Variants in GPC6 observed in about 807,000 individuals in gnomAD.
GPC6 encodes the protein glypican 6, also known as glypican-6.
In GPC6, 14 loss-of-function variants were observed where a neutral mutation model predicts 55.2. The observed-to-expected ratio is 0.25, with a 90% CI of 0.17 to 0.40. The LOEUF (loss-of-function observed/expected upper bound fraction) is 0.40, where lower values mean the gene tolerates loss of function less well. GPC6 is among the 10% of genes least tolerant of loss of function. The pLI is 1.00. For synonymous variants in GPC6, 278 were observed against 259.6 expected, an observed-to-expected ratio of 1.07 and a Z score of -0.68; for missense variants, 641 against 708.5, an observed-to-expected ratio of 0.90 and a Z score of 1.08.
At chr13:93,753,399 AAT>A (rs568558107) in intron 2 of GPC6, among the ~76,000 whole-genome samples, 84 of 152,284 alleles carry the variant, frequency 5.5e-4, no homozygotes, top group African/African-American at 2.0e-3. Flanking sequence ...CAAGAAGTAG[AAT>A]ATGTTTTTTA....
chr13:93,739,746 T>C (rs1884136324), intron 2 of GPC6, among the ~76,000 whole-genome samples: 1 of 152,104 alleles, frequency 6.6e-6, no homozygotes, highest in African/African-American at 2.4e-5. Context: ...ACATATCGAG[T>C]GTCCATTGTA....
chr13:93,521,693 A>C lies in GPC6; in HGVS notation c.161-23570A>C, dbSNP rs1442465039. ...TAAGATAATATACTGTAACATACTT[A>C]TATGAGGTGATTGGTGGCAAGGCAT... On this transcript the variant is annotated intron_variant, in intron 1 of 8. Transcript: ENST00000377047. Among the ~76,000 whole-genome samples the C allele has an allele frequency of 2.0e-5, 3 of 152,012 alleles. No individual in the cohort carries two copies. In the East Asian group the frequency reaches 5.8e-4, roughly 29 times the overall value.
intron 2 of GPC6, among the ~76,000 whole-genome samples, chr13:93,628,374 A>G (rs1313153872): frequency 6.6e-6 from 1 of 152,200 alleles, no homozygotes; most frequent in Non-Finnish European, 1.5e-5. Context: ...TGAACTCATT[A>G]CAGCTGGCCC....
intron 3 of GPC6, among the ~76,000 whole-genome samples, chr13:93,917,610 A>G (rs564024005): frequency 3.9e-5 from 6 of 152,186 alleles, no homozygotes; most frequent in Non-Finnish European, 7.3e-5. Context: ...AGAGAACCTG[A>G]AAGAATTGTT....
At chr13:94,018,748 T>C (rs1441249105) in intron 3 of GPC6, among the ~76,000 whole-genome samples, 1 of 152,198 alleles carries the variant, frequency 6.6e-6, no homozygotes, top group Non-Finnish European at 1.5e-5. Flanking sequence ...CAGCAGGACA[T>C]GAGCACCTGA....
At chr13:94,105,497 G>A (rs1886021315) in intron 4 of GPC6, among the ~76,000 whole-genome samples, 1 of 152,164 alleles carries the variant, frequency 6.6e-6, no homozygotes, top group Non-Finnish European at 1.5e-5. Flanking sequence ...GAGAATTAAG[G>A]TGGACCTTAG....
intron 2 of GPC6, among the ~76,000 whole-genome samples, chr13:93,687,129 A>G (rs897107506): frequency 6.6e-6 from 1 of 152,046 alleles, no homozygotes; most frequent in Non-Finnish European, 1.5e-5. Context: ...TGTTCTTGTC[A>G]TATATGTAGA....
At chr13:94,182,590 T>C (rs189746698) in intron 4 of GPC6, among the ~76,000 whole-genome samples, 26 of 152,314 alleles carry the variant, frequency 1.7e-4, no homozygotes, top group African/African-American at 5.1e-4. Flanking sequence ...CACTGCTGTG[T>C]AATGTTTTTT....
At chr13:93,549,974 G>A (rs1197646492) in intron 2 of GPC6, among the ~76,000 whole-genome samples, 5 of 152,072 alleles carry the variant, frequency 3.3e-5, no homozygotes, top group Non-Finnish European at 7.4e-5. Flanking sequence ...CTTTTGAATG[G>A]ATACTGTTGA....
At chr13:93,594,453 A>T (rs890658570) in intron 2 of GPC6, among the ~76,000 whole-genome samples, 2 of 151,534 alleles carry the variant, frequency 1.3e-5, no homozygotes, top group Non-Finnish European at 2.9e-5. Context: ...TAATAGTATA[A>T]CTCATTTTTA....
chr13:93,866,772 A>G (rs1022725889), intron 3 of GPC6, among the ~76,000 whole-genome samples: 4 of 151,860 alleles, frequency 2.6e-5, no homozygotes, highest in African/African-American at 4.8e-5. Context: ...AATGGGTACC[A>G]GGCTAAATAC....
chr13:93,676,851 G>C (rs1331053979), intron 2 of GPC6, among the ~76,000 whole-genome samples: 1 of 151,946 alleles, frequency 6.6e-6, no homozygotes, highest in Non-Finnish European at 1.5e-5. Context: ...CCTGGGACAA[G>C]TTTGATAGAA....
chr13:93,850,103 C>T (rs975430196), intron 3 of GPC6, among the ~76,000 whole-genome samples: 1 of 151,990 alleles, frequency 6.6e-6, no homozygotes, highest in African/African-American at 2.4e-5. Context: ...GCATTAGTTC[C>T]TATGAGAAAT....
chr13:93,429,364 C>T (rs35510443), intron 1 of GPC6, among the ~76,000 whole-genome samples: 7,677 of 152,244 alleles, frequency 0.05, 286 homozygotes, highest in Non-Finnish European at 0.076. Context: ...GATATTTCTA[C>T]TCAAGTAAAG....
chr13:93,766,507 A>G (rs1594439079), intron 2 of GPC6, among the ~76,000 whole-genome samples: 1 of 152,166 alleles, frequency 6.6e-6, no homozygotes, highest in Non-Finnish European at 1.5e-5. Flanking sequence ...CTATAATTTT[A>G]TAAAAGGTAA....
chr13:94,058,697 G>A (rs895017345), intron 4 of GPC6, among the ~76,000 whole-genome samples: 7 of 152,164 alleles, frequency 4.6e-5, no homozygotes, highest in Non-Finnish European at 7.4e-5. Context: ...CTCACTCCAG[G>A]CATAGAGAGC....
chr13:93,487,029 G>A (rs1261982193), intron 1 of GPC6, among the ~76,000 whole-genome samples: 16 of 151,964 alleles, frequency 1.1e-4, no homozygotes, highest in Admixed American at 7.9e-4. Context: ...ATAAACTGGT[G>A]TGATGAAAAT....
intron 4 of GPC6, among the ~76,000 whole-genome samples, chr13:94,279,323 C>T (rs1293986130): frequency 2.0e-5 from 3 of 149,108 alleles, no homozygotes; most frequent in Non-Finnish European, 4.5e-5. Flanking sequence ...TTATTCTTCT[C>T]TTTCCTTTTT....
At chr13:94,387,189 C>T (rs1375952185) in intron 7 of GPC6, among the ~76,000 whole-genome samples, 1 of 152,074 alleles carries the variant, frequency 6.6e-6, no homozygotes. Flanking sequence ...GGTTTGAACC[C>T]ACTTTCATCC....
Sources: gnomAD v4.1 joint callset for allele counts (sites outside exome capture counted in the v4.1 genomes callset) on GRCh38, gnomAD v4.1.1 for gene constraint, MANE v1.5 for transcripts, NCBI Gene and HGNC (gene_info 2026-07-23, HGNC 2026-07-21) for gene names.